The following KCNH5 variants were observed in gnomAD, a reference collection of about 807,000 sequenced individuals.
KCNH5 encodes the protein voltage-gated delayed rectifier potassium channel KCNH5.
KCNH5 carries 46 observed loss-of-function variants against 96.1 expected under a neutral mutation model. The ratio of observed to expected loss-of-function variants is 0.48; its 90% CI spans 0.38 to 0.61. KCNH5 has a LOEUF of 0.61. KCNH5 is among the 20% of genes least tolerant of loss of function. KCNH5 has a pLI of 0.00. For missense variants in KCNH5, 907 were observed against 1,225.8 expected (o/e 0.74, Z 3.88); for synonymous variants, 439 against 449.8 (o/e 0.98, Z 0.30).
chr14:63,031,699 T>C (rs918809705), intron 1 of KCNH5, among the ~76,000 whole-genome samples: 1 of 152,156 alleles, frequency 6.6e-6, no homozygotes, highest in African/African-American at 2.4e-5. Flanking sequence ...TTACTAATAT[T>C]GTACTTACTA....
intron 9 of KCNH5, among the ~76,000 whole-genome samples, chr14:62,800,761 A>G (rs1227146218): frequency 2.0e-5 from 3 of 152,202 alleles, no homozygotes; most frequent in African/African-American, 4.8e-5. Flanking sequence ...AGAATGGTTT[A>G]CAGAGTGTAA....
intron 10 of KCNH5, among the ~76,000 whole-genome samples, chr14:62,717,721 C>T (rs1241252237): frequency 6.6e-6 from 1 of 152,136 alleles, no homozygotes; most frequent in African/African-American, 2.4e-5. Flanking sequence ...ATTTTAGTGA[C>T]CCTGAATTAG....
rs1885077067 is a variant in KCNH5 at position 62,732,745 on chromosome 14, G to A, written c.2020-24290C>T. 2.0e-5 allele frequency among the ~76,000 whole-genome samples: 3 copies of A among 152,206 alleles called. No individual in the cohort carries two copies. In the South Asian group the frequency reaches 6.2e-4, roughly 32 times the overall value. ...AAGCACTAGAAGAAAATATAAGGTA[G>A]AAAGGAAAGTGAAGACCAGGGTCTT... On this transcript the variant is annotated intron_variant, in intron 10 of 10. Coordinates refer to ENST00000322893, the MANE Select transcript of KCNH5 (RefSeq NM_139318.5).
intron 8 of KCNH5, among the ~76,000 whole-genome samples, chr14:62,846,812 T>C (rs1264092460): frequency 7.8e-6 from 1 of 128,930 alleles, no homozygotes; most frequent in East Asian, 2.1e-4. Flanking sequence ...TTTTTTTTTT[T>C]TTTTTGGAGA....
chr14:62,860,855 C>T (rs906363263), intron 7 of KCNH5, among the ~76,000 whole-genome samples: 1 of 152,202 alleles, frequency 6.6e-6, no homozygotes, highest in Non-Finnish European at 1.5e-5. Flanking sequence ...GAGTGCAATG[C>T]TATCTATGCC....
intron 8 of KCNH5, among the ~76,000 whole-genome samples, chr14:62,813,460 G>A (rs1182577300): frequency 6.6e-6 from 1 of 152,074 alleles, no homozygotes; most frequent in Non-Finnish European, 1.5e-5. Context: ...AACTAAACAA[G>A]GCTTCTTCTT....
chr14:62,757,197 A>G (rs1885642110), intron 10 of KCNH5, among the ~76,000 whole-genome samples: 1 of 152,192 alleles, frequency 6.6e-6, no homozygotes, highest in Non-Finnish European at 1.5e-5. Flanking sequence ...TTAAAAGCTG[A>G]TCAACCAGAG....
At position 62,779,866 on chromosome 14, in the gene KCNH5, A is replaced by G. The variant is rs145927509; in HGVS notation, c.1881T>C (p.Cys627=). The G allele has an allele frequency of 9.3e-6, 15 of 1,613,830 alleles. No homozygotes were observed. The highest frequency in any genetic ancestry group is 1.2e-5 in the Non-Finnish European group (14 of 1,179,848). ...AGTACGTCAGTGCCCGGACGTTCGCACATGCATGGGCAAGGGTGGTTTCCT... is the reference window on the plus strand; with the variant it reads ...AGTACGTCAGTGCCCGGACGTTCGCGCATGCATGGGCAAGGGTGGTTTCCT... ...FWKETTLAHA[C]ANVRALTYCD... is the part of the protein sequence containing the mutation. The change falls in exon 10 of 11, where the codon TGT becomes TGC. Residue 627 remains cysteine, a synonymous_variant. Coordinates refer to ENST00000322893, the MANE Select transcript of KCNH5 (RefSeq NM_139318.5).
chr14:62,929,045 T>C (rs1889530199), intron 7 of KCNH5, among the ~76,000 whole-genome samples: 1 of 152,066 alleles, frequency 6.6e-6, no homozygotes, highest in Non-Finnish European at 1.5e-5. Context: ...TACGTGTCTA[T>C]GCAGCGTCTC....
chr14:62,952,535 T>G (rs1250990502), intron 6 of KCNH5, among the ~76,000 whole-genome samples: 1 of 152,194 alleles, frequency 6.6e-6, no homozygotes, highest in Non-Finnish European at 1.5e-5. Context: ...CAAACAGAGT[T>G]CAGTTTAAAA....
chr14:63,039,530 G>A (rs1047277606), intron 1 of KCNH5, among the ~76,000 whole-genome samples: 2 of 151,840 alleles, frequency 1.3e-5, no homozygotes, highest in African/African-American at 4.8e-5. Context: ...TGTTGAAGTG[G>A]CTCAATATGA....
intron 7 of KCNH5, among the ~76,000 whole-genome samples, chr14:62,917,981 CT>C (rs1028737812): frequency 6.6e-6 from 1 of 152,156 alleles, no homozygotes; most frequent in African/African-American, 2.4e-5. Flanking sequence ...TCCTCTTTCT[CT>C]GCTGTTCCAT....
chr14:62,928,581 G>T (rs1008519754), intron 7 of KCNH5, among the ~76,000 whole-genome samples: 1 of 151,990 alleles, frequency 6.6e-6, no homozygotes, highest in African/African-American at 2.4e-5. Context: ...TGAGGTTTAG[G>T]GGTTTGTAAG....
intron 7 of KCNH5, among the ~76,000 whole-genome samples, chr14:62,931,433 CCT>C (rs1359022406): frequency 1.3e-5 from 2 of 152,082 alleles, no homozygotes; most frequent in Admixed American, 1.3e-4. Context: ...CATGTATATA[CCT>C]CTGTTTCCTC....
chr14:62,811,871 C>T (rs540645307), intron 8 of KCNH5, among the ~76,000 whole-genome samples: 3 of 152,222 alleles, frequency 2.0e-5, no homozygotes, highest in Admixed American at 6.6e-5. Context: ...GCACTGGTTA[C>T]GTGTTAGTTA....
intron 8 of KCNH5, among the ~76,000 whole-genome samples, chr14:62,838,576 T>A (rs1158750820): frequency 1.3e-5 from 2 of 152,072 alleles, no homozygotes; most frequent in Non-Finnish European, 2.9e-5. Flanking sequence ...GTGGGAAGGA[T>A]AAGGAAAGTT....
intron 2 of KCNH5, among the ~76,000 whole-genome samples, chr14:63,009,710 A>C (rs1309359445): frequency 6.6e-6 from 1 of 152,178 alleles, no homozygotes; most frequent in East Asian, 1.9e-4. Flanking sequence ...AAAGTTGTCC[A>C]AGCCATACTG....
At chr14:62,951,670 G>C (rs1312425623) in intron 6 of KCNH5, among the ~76,000 whole-genome samples, 1 of 152,102 alleles carries the variant, frequency 6.6e-6, no homozygotes, top group Non-Finnish European at 1.5e-5. Context: ...AGTTAAGAAG[G>C]AAACAGTTGG....
intron 7 of KCNH5, among the ~76,000 whole-genome samples, chr14:62,883,366 T>TA (rs1295508233): frequency 3.9e-5 from 6 of 152,100 alleles, no homozygotes; most frequent in African/African-American, 1.4e-4. Flanking sequence ...TTACTTGAAA[T>TA]AAAAAAAGAG....
Sources: allele counts gnomAD v4.1 joint callset (sites outside exome capture counted in the v4.1 genomes callset), GRCh38; gene constraint gnomAD v4.1.1; transcripts MANE v1.5; gene names NCBI Gene and HGNC (gene_info 2026-07-23, HGNC 2026-07-21).